Variants in PITPNM2 observed in about 807,000 individuals in gnomAD.
PITPNM2 encodes the protein membrane-associated phosphatidylinositol transfer protein 2.
Under a neutral mutation model 132.2 loss-of-function variants are expected in PITPNM2, and 35 were observed. That is an observed-to-expected ratio of 0.26 (90% CI 0.20 to 0.35). PITPNM2 has a LOEUF of 0.35. Among genes scored for constraint, PITPNM2 ranks in the 10% least tolerant of loss-of-function variants. The pLI, the probability that PITPNM2 is intolerant of heterozygous loss-of-function variation, is 1.00. For missense variants in PITPNM2, 1,332 were observed against 1,912.0 expected (o/e 0.70, Z 5.66); for synonymous variants, 738 against 799.2 (o/e 0.92, Z 1.29).
rs1468647672 is a variant in PITPNM2, at chr12:122,996,464, G to A, written c.1776C>T (p.Ser592=). 6.2e-7 allele frequency: 1 copy of A among 1,612,958 alleles called. No individual in the cohort carries two copies. The highest frequency in any genetic ancestry group is 8.5e-7 in the Non-Finnish European group (1 of 1,180,006). ...QSSSRRGSVV[S]MQDNDLLSPG... ...TGGGCCCCCACTTGGGTACCTGCAT[G>A]CTGACCACGCTGCCCCGGCGGCTGC... is the stretch of plus-strand genomic sequence containing the variant. Residue 592 remains serine, a synonymous_variant, in exon 13 of 26, where the codon AGC becomes AGT. Coordinates refer to ENST00000320201, the MANE Select transcript of PITPNM2 (RefSeq NM_020845.3).
intron 3 of PITPNM2, among the ~76,000 whole-genome samples, chr12:123,032,157 T>G (rs938575650): frequency 6.6e-6 from 1 of 152,214 alleles, no homozygotes; most frequent in Non-Finnish European, 1.5e-5. Flanking sequence ...GTTACATTCA[T>G]TCGAGGCATA....
chr12:123,145,233 CATACATGTATGCATAGTCAGGAT>C (rs1172459634), intron 1 of PITPNM2, among the ~76,000 whole-genome samples: 1 of 152,108 alleles, frequency 6.6e-6, no homozygotes, highest in Admixed American at 6.6e-5. Flanking sequence ...AATAACTATG[CATACATGTATGCATAGTCAGGAT>C]ATACTTTCCT....
intron 2 of PITPNM2, among the ~76,000 whole-genome samples, chr12:123,069,144 T>G (rs1260859846): frequency 6.6e-6 from 1 of 151,766 alleles, no homozygotes; most frequent in African/African-American, 2.4e-5. Context: ...AACCAGCTAC[T>G]CAGGGGACTG....
At chr12:123,063,696 A>T (rs571581507) in intron 2 of PITPNM2, among the ~76,000 whole-genome samples, 2 of 152,180 alleles carry the variant, frequency 1.3e-5, no homozygotes, top group African/African-American at 2.4e-5. Context: ...CCAGGTCTGG[A>T]AGGAAAAGCC....
At chr12:123,110,580 G>A (rs2042815328) in intron 1 of PITPNM2, 92 bp from the exon 2 acceptor site, 2 of 152,360 alleles carry the variant, frequency 1.3e-5, no homozygotes, top group Admixed American at 1.3e-4. Context: ...AATGCCGATG[G>A]ACCAAGAGGA....
chr12:123,066,363 A>C (rs538554434), intron 2 of PITPNM2, among the ~76,000 whole-genome samples: 10 of 152,288 alleles, frequency 6.6e-5, no homozygotes, highest in African/African-American at 2.4e-4. Flanking sequence ...CCGTCACTGT[A>C]GATGCCCTGA....
chr12:123,065,142 G>C (rs1350528989), intron 2 of PITPNM2, among the ~76,000 whole-genome samples: 1 of 152,250 alleles, frequency 6.6e-6, no homozygotes, highest in Non-Finnish European at 1.5e-5. Flanking sequence ...CAACTGCAGT[G>C]CTGAGCCTGG....
upstream of PITPNM2, among the ~76,000 whole-genome samples, chr12:123,151,567 C>G (rs2137780219): frequency 6.6e-6 from 1 of 152,300 alleles, no homozygotes; most frequent in African/African-American, 2.4e-5. Context: ...GGTCCGCGCT[C>G]TCCCCTCAGG....
At chr12:123,072,731 G>A (rs1272033410) in intron 2 of PITPNM2, among the ~76,000 whole-genome samples, 3 of 152,248 alleles carry the variant, frequency 2.0e-5, no homozygotes, top group South Asian at 2.1e-4. Flanking sequence ...TCAGGATGCC[G>A]AAGGCAGCAG....
At position 123,004,493 on chromosome 12, in the gene PITPNM2, G is replaced by A. The variant is rs1489509886; in HGVS notation, c.953-4C>T. 1 of 1,613,418 alleles carries A rather than the reference G, an allele frequency of 6.2e-7. No homozygotes were observed. The highest frequency in any genetic ancestry group is 1.3e-5 in the African/African-American group (1 of 74,940). On this transcript the variant is annotated splice_region_variant and splice_polypyrimidine_tract_variant and intron_variant, in intron 7 of 25. Coordinates refer to ENST00000320201, the MANE Select transcript of PITPNM2 (RefSeq NM_020845.3). This position sits in a 1 kb window ranked among gnomAD's most constrained non-coding sequence, Gnocchi z 4.9. The stretch of plus-strand genomic sequence containing the variant: ...ATGCTGTGGCGGGAAGGACTCGCTG[G>A]AAGGCAAAACCCCAGATTGACCGCC...
Position 123,108,813 on chromosome 12 carries a change from C to A in PITPNM2, c.-96+1572G>T, listed in dbSNP as rs1449092107. 6.6e-6 allele frequency among the ~76,000 whole-genome samples: 1 copy of A among 152,172 alleles called. No individual in the cohort carries two copies. The highest frequency in any genetic ancestry group is 1.5e-5 in the Non-Finnish European group (1 of 68,034). On this transcript the variant is annotated intron_variant, in intron 2 of 25. Coordinates refer to ENST00000320201, the MANE Select transcript of PITPNM2 (RefSeq NM_020845.3). The surrounding 1 kb of genome is among the most constrained non-coding windows in gnomAD (Gnocchi z 4.4). ...GAGGCCCCATCACAACGTGCCCTAT[C>A]TTCCCAGCAAGGATGAGGGCACCCG...
intron 11 of PITPNM2, 148 bp from the exon 12 acceptor site, chr12:122,997,058 G>A: frequency 1.1e-6 from 1 of 948,476 alleles, no homozygotes; most frequent in East Asian, 2.6e-5. Flanking sequence ...TGGGGGACCA[G>A]GGTGGGTAAG....
In PITPNM2 at chr12:123,077,010, G is replaced by A. The variant is rs1205376294; in HGVS notation, c.-96+33375C>T. 6.6e-6 allele frequency among the ~76,000 whole-genome samples: 1 copy of A among 152,186 alleles called. No individual in the cohort carries two copies. Among genetic ancestry groups the A allele is most frequent in the Non-Finnish European group, 1.5e-5 (1 of 68,034 alleles). On this transcript the variant is annotated intron_variant, in intron 2 of 25. Transcript: ENST00000320201. This position sits in a 1 kb window ranked among gnomAD's most constrained non-coding sequence, Gnocchi z 4.8. The stretch of plus-strand genomic sequence containing the variant: ...TCTCCCCGGGCTGCGCTGCTGAGGG[G>A]TTAGCCTCACAGATTCCCTCTGGGA...
intron 1 of PITPNM2, among the ~76,000 whole-genome samples, chr12:123,142,678 T>C (rs1251683299): frequency 6.6e-6 from 1 of 152,100 alleles, no homozygotes; most frequent in Non-Finnish European, 1.5e-5. Flanking sequence ...AAACCCAAAA[T>C]AAATGTAAAA....
intron 2 of PITPNM2, among the ~76,000 whole-genome samples, chr12:123,109,011 T>C (rs941229799): frequency 2.0e-5 from 3 of 152,222 alleles, no homozygotes; most frequent in Admixed American, 1.3e-4. Flanking sequence ...AACCTGGAGC[T>C]GATATCTGCC....
intron 2 of PITPNM2, chr12:123,088,927 C>T (rs1352725958): frequency 6.6e-6 from 1 of 152,298 alleles, no homozygotes; most frequent in Non-Finnish European, 1.5e-5. Flanking sequence ...CCTCTGGTCT[C>T]AGCCCTCTGT....
chr12:123,068,282 A>G lies in PITPNM2; in HGVS notation c.-95-33597T>C, dbSNP rs2041500638. Among the ~76,000 whole-genome samples the G allele has an allele frequency of 3.3e-5, 5 of 152,186 alleles. No homozygotes were observed. In the South Asian group the frequency reaches 1.0e-3, roughly 32 times the overall value. On this transcript the variant is annotated intron_variant, in intron 2 of 25. Coordinates refer to ENST00000320201, the MANE Select transcript of PITPNM2 (RefSeq NM_020845.3). ...GGAGATCGAGAACATCCTGGCTAAC[A>G]CGGTGAAACCCCGTCTCTACTAAAA...
At chr12:123,061,703 CT>C (rs903451934) in intron 2 of PITPNM2, among the ~76,000 whole-genome samples, 39 of 152,306 alleles carry the variant, frequency 2.6e-4, no homozygotes, top group African/African-American at 8.4e-4. Flanking sequence ...AGGGGGAAGC[CT>C]GGGGCTTTCA....
intron 1 of PITPNM2, among the ~76,000 whole-genome samples, chr12:123,121,719 AT>A (rs999040595): frequency 4.7e-5 from 7 of 150,424 alleles, no homozygotes; most frequent in Non-Finnish European, 7.4e-5. Flanking sequence ...CTTTAACATA[AT>A]TTTTTTTTAG....
Sources: gnomAD v4.1 joint callset for allele counts (sites outside exome capture counted in the v4.1 genomes callset) on GRCh38, gnomAD v4.1.1 for gene constraint, Gnocchi (gnomAD v3.1) non-coding constraint, MANE v1.5 for transcripts, NCBI Gene and HGNC (gene_info 2026-07-23, HGNC 2026-07-21) for gene names.